AKR7A2: variants seen among roughly 807,000 people sequenced by gnomAD.
AKR7A2 encodes aldo-keto reductase family 7 member A2.
In AKR7A2, 29 loss-of-function variants were observed where a neutral mutation model predicts 37.3. That is an observed-to-expected ratio of 0.78 (90% CI 0.58 to 1.06). The LOEUF is 1.06. Among genes scored for constraint, AKR7A2 ranks in the 50% least tolerant of loss-of-function variants. AKR7A2 has a pLI of 0.00. For synonymous variants in AKR7A2, 228 were observed against 217.8 expected, an observed-to-expected ratio of 1.05 and a Z score of -0.41; for missense variants, 529 against 497.9, an observed-to-expected ratio of 1.06 and a Z score of -0.59.
chr1:19,308,039 G>T lies in AKR7A2; in HGVS notation c.591+119C>A, dbSNP rs776516419. On this transcript the variant is annotated intron_variant, in intron 3 of 6. Transcript: ENST00000235835. ...TGAGGGTACATGGGAGCCATCTGCA[G>T]GCTTTCAGCAGGGGAGTGGCTGCTA... The T allele has an allele frequency of 2.2e-6, 3 of 1,335,876 alleles. No homozygotes were observed. In the Admixed American group the frequency reaches 5.3e-5, roughly 24 times the overall value. 82.8% of individuals were successfully genotyped at this position (1,335,876 alleles called of 1,614,324 possible).
chr1:19,307,830 A>G (rs1269472937), intron 3 of AKR7A2: 1 of 515,174 alleles, frequency 1.9e-6, no homozygotes, highest in Non-Finnish European at 3.5e-6. Context: ...GGCTGTCTAG[A>G]AAGGCTTCCA....
In AKR7A2 at chr1:19,312,129, G is replaced by A. The variant is rs1027150936; in HGVS notation, c.-5C>T. ...GCGAGACGCGGCACTCAGCATAGCAGCGGCGCCTGCGCGTTGGGAGCCGGG... is the reference window on the plus strand; with the variant it reads ...GCGAGACGCGGCACTCAGCATAGCAACGGCGCCTGCGCGTTGGGAGCCGGG... On this transcript the variant is annotated 5_prime_UTR_variant, in exon 1 of 7. Transcript: ENST00000235835. The A allele has an allele frequency of 3.1e-6, 4 of 1,273,122 alleles. No homozygotes were observed. The East Asian group carries it at 9.8e-5, about 31-fold the overall frequency. The allele number at this position is 1,273,122 out of a possible 1,614,324, so 78.9% of individuals were successfully genotyped here.
chr1:19,310,953 C>T (rs1171845480), intron 1 of AKR7A2, among the ~76,000 whole-genome samples: 1 of 152,196 alleles, frequency 6.6e-6, no homozygotes, highest in Non-Finnish European at 1.5e-5. Flanking sequence ...GGGACAGTCC[C>T]CTCCATCCTC....
At chr1:19,311,122 C>A (rs2093773699) in intron 1 of AKR7A2, among the ~76,000 whole-genome samples, 1 of 152,248 alleles carries the variant, frequency 6.6e-6, no homozygotes, top group South Asian at 2.1e-4. Context: ...ATTTGCTGAG[C>A]CTTCCCTAGT....
At chr1:19,307,490 G>A (rs2093763926) in intron 3 of AKR7A2, 80 bp from the exon 4 acceptor site, 1 of 1,429,832 alleles carries the variant, frequency 7.0e-7, no homozygotes, top group East Asian at 2.4e-5. Context: ...AACCTCTAAA[G>A]CAACACCGGC....
At chr1:19,309,523 A>G (rs1569696030) in intron 1 of AKR7A2, among the ~76,000 whole-genome samples, 2 of 152,230 alleles carry the variant, frequency 1.3e-5, no homozygotes, top group East Asian at 3.8e-4. Context: ...ATGAGCATAT[A>G]TCCAAACACT....
intron 1 of AKR7A2, among the ~76,000 whole-genome samples, chr1:19,308,946 C>T (rs1235694830): frequency 6.6e-6 from 1 of 152,100 alleles, no homozygotes; most frequent in Non-Finnish European, 1.5e-5. Context: ...CCTCCTGGAG[C>T]CCTAGAGGAT....
chr1:19,307,475 T>C, intron 3 of AKR7A2, 65 bp from the exon 4 acceptor site: 1 of 1,555,268 alleles, frequency 6.4e-7, no homozygotes, highest in South Asian at 1.1e-5. Context: ...TGCCTTCCAC[T>C]TTCAAACCTC....
chr1:19,308,867 G>T (rs2093767162), intron 1 of AKR7A2, among the ~76,000 whole-genome samples: 1 of 152,208 alleles, frequency 6.6e-6, no homozygotes, highest in Non-Finnish European at 1.5e-5. Flanking sequence ...TCACCAACCT[G>T]CTGGCTGTGC....
intron 3 of AKR7A2, 120 bp from the exon 4 acceptor site, chr1:19,307,530 T>A: frequency 9.5e-7 from 1 of 1,050,840 alleles, no homozygotes; most frequent in Non-Finnish European, 1.4e-6. Context: ...CTAACATCAC[T>A]ACTGTTAGTA....
intron 1 of AKR7A2, 77 bp downstream of exon 1, chr1:19,311,750 C>T (rs970428726): frequency 1.3e-6 from 2 of 1,583,172 alleles, no homozygotes; most frequent in Admixed American, 1.7e-5. Flanking sequence ...CGCGGCCGGG[C>T]CCGAGCGGGG....
Position 19,307,016 on chromosome 1 carries a change from C to T in AKR7A2, c.774G>A (p.Glu258=), listed in dbSNP as rs547866923. The change falls in exon 5 of 7, where the codon GAG becomes GAA. Residue 258 remains glutamate (E), a synonymous_variant. Transcript: ENST00000235835. ...VGRFFGNSWA[E]TYRNRFWKEH... ...CCCCGGCTCACCGATTCCTGTAGGTCTCAGCCCAGCTATTCCCAAAGAAGC... is the reference window on the plus strand; with the variant it reads ...CCCCGGCTCACCGATTCCTGTAGGTTTCAGCCCAGCTATTCCCAAAGAAGC... 1 of 1,614,192 alleles carries T rather than the reference C, an allele frequency of 6.2e-7. No individual in the cohort carries two copies. The highest frequency in any genetic ancestry group is 8.5e-7 in the Non-Finnish European group (1 of 1,180,032).
chr1:19,304,740 A>G (rs2093758202), intron 6 of AKR7A2, among the ~76,000 whole-genome samples: 1 of 152,164 alleles, frequency 6.6e-6, no homozygotes, highest in Non-Finnish European at 1.5e-5. Context: ...GTTCAAGACC[A>G]GCCTGGGCAA....
Position 19,308,275 on chromosome 1 carries a change from G to A in AKR7A2, c.487-13C>T, listed in dbSNP as rs373108163. ...CCACGAACTTGCCCTGCATGGGTGA[G>A]GCTCCAGTCAGAACGCAGTGTAGCC... On this transcript the variant is annotated splice_polypyrimidine_tract_variant and intron_variant, in intron 2 of 6. Coordinates refer to ENST00000235835, the MANE Select transcript of AKR7A2 (RefSeq NM_003689.4). 245 of 1,614,178 alleles carry A rather than the reference G, an allele frequency of 1.5e-4. No individual in the cohort carries two copies. Among genetic ancestry groups the A allele is most frequent in the Non-Finnish European group, 2.0e-4 (236 of 1,180,016 alleles).
intron 3 of AKR7A2, 60 bp downstream of exon 3, chr1:19,308,098 A>G: frequency 1.2e-6 from 2 of 1,606,096 alleles, no homozygotes; most frequent in Non-Finnish European, 1.7e-6. Context: ...AGGGGGGCAA[A>G]GAGAGCCCAG....
Position 19,305,461 on chromosome 1 carries a change from C to T in AKR7A2, c.918+557G>A, listed in dbSNP as rs1319558863. On this transcript the variant is annotated intron_variant, in intron 6 of 6. Coordinates refer to ENST00000235835, the MANE Select transcript of AKR7A2 (RefSeq NM_003689.4). ...CAAGCCATCTTCCCATCCCAGCCTCCAGAGTAGCTGGGAACGTAGGAGCAA... is the reference window on the plus strand; with the variant it reads ...CAAGCCATCTTCCCATCCCAGCCTCTAGAGTAGCTGGGAACGTAGGAGCAA... 3.9e-5 allele frequency among the ~76,000 whole-genome samples: 6 copies of T among 152,172 alleles called. No homozygotes were observed. In the South Asian group the frequency reaches 1.2e-3, roughly 31 times the overall value.
In AKR7A2 at chr1:19,306,290, C is replaced by T. The variant is rs1327883287; in HGVS notation, c.789-143G>A. The T allele has an allele frequency of 3.3e-6, 4 of 1,206,174 alleles. No individual in the cohort carries two copies. The African/African-American group carries it at 4.5e-5, about 14-fold the overall frequency. The allele number at this position is 1,206,174 out of a possible 1,614,324, so 74.7% of individuals were successfully genotyped here. On this transcript the variant is annotated intron_variant, in intron 5 of 6. Transcript: ENST00000235835. ...GGTGTCCTCTCTAGTCATAGGTCTC[C>T]CACTTTGCTGGGCATCAGAACCACC...
At position 19,304,090 on chromosome 1, in the gene AKR7A2, G is replaced by A. The variant is rs542998578; in HGVS notation, c.*135C>T. On this transcript the variant is annotated 3_prime_UTR_variant, in exon 7 of 7. Coordinates refer to ENST00000235835, the MANE Select transcript of AKR7A2 (RefSeq NM_003689.4). ...GTAAAGTGAATAGGGAGCAAGGCAGGAAGCTAGAAAAATAATGCATGGATC... is the reference window on the plus strand; with the variant it reads ...GTAAAGTGAATAGGGAGCAAGGCAGAAAGCTAGAAAAATAATGCATGGATC... 1 of 1,425,618 alleles carries A rather than the reference G, an allele frequency of 7.0e-7. No homozygotes were observed. The highest frequency in any genetic ancestry group is 1.4e-5 in the African/African-American group (1 of 70,560). 88.3% of individuals were successfully genotyped at this position (1,425,618 alleles called of 1,614,324 possible).
At chr1:19,303,064 T>C (rs1248741381), downstream of AKR7A2, among the ~76,000 whole-genome samples, 2 of 152,082 alleles carry the variant, frequency 1.3e-5, no homozygotes, top group Non-Finnish European at 2.9e-5. Context: ...CCATTCCACA[T>C]GGGTGAGCAT....
Sources: allele counts gnomAD v4.1 joint callset (sites outside exome capture counted in the v4.1 genomes callset), GRCh38; gene constraint gnomAD v4.1.1; transcripts MANE v1.5; gene names NCBI Gene and HGNC (gene_info 2026-07-23, HGNC 2026-07-21).